Variants in KIF14 observed in about 807,000 individuals in gnomAD.
The protein encoded by KIF14 is kinesin-like protein KIF14.
Under a neutral mutation model 176.2 loss-of-function variants are expected in KIF14, and 98 were observed. The ratio of observed to expected loss-of-function variants is 0.56; its 90% confidence interval spans 0.47 to 0.66. KIF14 has a LOEUF of 0.66. Ranked by LOEUF, KIF14 falls within the 30% of genes least tolerant of loss-of-function variation. The pLI, the probability that KIF14 is intolerant of heterozygous loss-of-function variation, is 0.00. For missense variants in KIF14, 1,751 were observed against 1,920.4 expected (o/e 0.91, Z 1.65); for synonymous variants, 566 against 632.2 (o/e 0.90, Z 1.57).
chr1:200,615,191 C>T (rs1660351912), intron 3 of KIF14, among the ~76,000 whole-genome samples, 164 bp downstream of exon 3: 1 of 152,106 alleles, frequency 6.6e-6, no homozygotes, highest in Non-Finnish European at 1.5e-5. Context: ...AGCCCAGAGG[C>T]TAAGTAAATT....
At chr1:200,613,617 G>A (rs1435670938) in intron 4 of KIF14, among the ~76,000 whole-genome samples, 2 of 149,262 alleles carry the variant, frequency 1.3e-5, no homozygotes, top group Non-Finnish European at 3.0e-5. Context: ...GGAAAAGCAT[G>A]AAAATTATAA....
chr1:200,592,094 C>T lies in KIF14; in HGVS notation c.2799G>A (p.Met933Ile). ...AGCATACTTACTGTGATCTCTGTGC[C>T]ATGAGCAACTCATTTTTTGCAAATT... Reference protein sequence around the residue: ...DFEFAKNELLMAQRSQLEAEI... With the variant: ...DFEFAKNELLIAQRSQLEAEI... The change falls in exon 16 of 30, where the codon ATG becomes ATA. Residue 933 changes from methionine to isoleucine, a missense_variant. Met to Ile is a conservative substitution (Grantham distance 10). Coordinates refer to ENST00000367350, the MANE Select transcript of KIF14 (RefSeq NM_014875.3). The T allele has an allele frequency of 6.2e-7, 1 of 1,612,912 alleles. No homozygotes were observed.
intron 18 of KIF14, among the ~76,000 whole-genome samples, chr1:200,588,254 T>G (rs1173501888): frequency 6.6e-6 from 1 of 151,554 alleles, no homozygotes; most frequent in Admixed American, 6.6e-5. Flanking sequence ...TTTTGTTTTT[T>G]TTTTTTTGAC....
chr1:200,570,046 C>A, intron 22 of KIF14, 41 bp from the exon 23 acceptor site: 1 of 911,462 alleles, frequency 1.1e-6, no homozygotes, highest in Non-Finnish European at 1.7e-6. Flanking sequence ...TTCTATACCA[C>A]ATGGAATAAT....
At chr1:200,556,115 C>T (rs1210357107) in intron 27 of KIF14, among the ~76,000 whole-genome samples, 4 of 152,130 alleles carry the variant, frequency 2.6e-5, no homozygotes, top group Non-Finnish European at 4.4e-5. Context: ...ACCTTGGTTC[C>T]TAACTCCTAA....
At chr1:200,598,007 A>C (rs970846387) in intron 14 of KIF14, among the ~76,000 whole-genome samples, 2 of 152,144 alleles carry the variant, frequency 1.3e-5, no homozygotes, top group Non-Finnish European at 2.9e-5. Flanking sequence ...TCAACAGATC[A>C]AGTATGCCAA....
Position 200,603,879 on chromosome 1 carries a change from T to C in KIF14, c.1823A>G (p.Glu608Gly). The C allele has an allele frequency of 6.2e-7, 1 of 1,613,394 alleles. No homozygotes were observed. Among genetic ancestry groups the C allele is most frequent in the Non-Finnish European group, 8.5e-7 (1 of 1,179,320 alleles). The part of the protein sequence containing the change: ...RINLIDLAGS[E>G]RCSTAHTNGD... ...ATTAGTGTGAGCCGTAGAGCAGCGC[T>C]CACTGCCTGCCAGATCTATTAGGTT... is the stretch of plus-strand genomic sequence containing the variant. The change falls in exon 9 of 30, where the codon GAG becomes GGG. Residue 608 changes from glutamate to glycine, a missense_variant. Glu to Gly is a moderately conservative substitution (Grantham distance 98, BLOSUM62 -2). Transcript: ENST00000367350.
At chr1:200,581,366 T>C in intron 19 of KIF14, 72 bp from the exon 20 acceptor site, 1 of 711,318 alleles carries the variant, frequency 1.4e-6, no homozygotes, top group Non-Finnish European at 2.3e-6. Flanking sequence ...GGCAAAACAA[T>C]TCCTAAAAAA....
chr1:200,580,206 A>C, intron 21 of KIF14, 48 bp downstream of exon 21: 1 of 1,020,000 alleles, frequency 9.8e-7, no homozygotes, highest in Non-Finnish European at 1.3e-6. Context: ...GAACTTTTAT[A>C]CTTTTTTATT....
intron 4 of KIF14, among the ~76,000 whole-genome samples, chr1:200,613,790 G>C (rs1207352293): frequency 6.6e-6 from 1 of 152,066 alleles, no homozygotes. Context: ...GATCTAACAA[G>C]CTGCCTGGCA....
At chr1:200,554,627 T>C in intron 28 of KIF14, 21 bp from the exon 29 acceptor site, 1 of 1,247,950 alleles carries the variant, frequency 8.0e-7, no homozygotes, top group Non-Finnish European at 1.1e-6. Context: ...AAAGTTAATA[T>C]TTAAAATAAT....
intron 19 of KIF14, among the ~76,000 whole-genome samples, chr1:200,583,868 G>A (rs1342806345): frequency 6.6e-6 from 1 of 151,820 alleles, no homozygotes; most frequent in Non-Finnish European, 1.5e-5. Flanking sequence ...CTTGAGCCTG[G>A]GAGGCAGAGG....
rs556227447 is a variant in KIF14, at chr1:200,551,934, C to T, written c.*1454G>A. The T allele has an allele frequency of 1.3e-5, 2 of 152,314 alleles. No homozygotes were observed. Among genetic ancestry groups the T allele is most frequent in the Non-Finnish European group, 2.9e-5 (2 of 68,024 alleles). 9.4% of individuals were successfully genotyped at this position (152,314 alleles called of 1,614,324 possible). A position where few individuals can be genotyped will look rare whatever the true frequency, so the allele number is the denominator to read the frequency against. On this transcript the variant is annotated 3_prime_UTR_variant, in exon 30 of 30. Transcript: ENST00000367350. ...AAAAGAAATGAAAGCAAATGTGCTA[C>T]ATTGTACCATTTTAAAGAGCTTGAA...
At chr1:200,602,659 C>T (rs1659682147) in intron 10 of KIF14, among the ~76,000 whole-genome samples, 1 of 152,092 alleles carries the variant, frequency 6.6e-6, no homozygotes. Context: ...AGATGCAGTC[C>T]TTATTGTAAC....
At chr1:200,558,227 T>TC (rs1656943813) in intron 27 of KIF14, among the ~76,000 whole-genome samples, 1 of 152,206 alleles carries the variant, frequency 6.6e-6, no homozygotes, top group South Asian at 2.1e-4. Flanking sequence ...AGTGCTGGGA[T>TC]TACAGGCATG....
chr1:200,564,507 C>A (rs1332843681), intron 25 of KIF14, among the ~76,000 whole-genome samples: 1 of 152,106 alleles, frequency 6.6e-6, no homozygotes, highest in Non-Finnish European at 1.5e-5. Flanking sequence ...CTTCTTACAG[C>A]CAAACCTAAT....
At chr1:200,604,937 A>G (rs1659799180) in intron 8 of KIF14, among the ~76,000 whole-genome samples, 1 of 152,108 alleles carries the variant, frequency 6.6e-6, no homozygotes, top group Non-Finnish European at 1.5e-5. Context: ...TGTTATCATG[A>G]TAACAAGCAT....
At chr1:200,576,775 T>A (rs1284604924) in intron 21 of KIF14, among the ~76,000 whole-genome samples, 1 of 152,202 alleles carries the variant, frequency 6.6e-6, no homozygotes, top group Non-Finnish European at 1.5e-5. Flanking sequence ...TACTTCACGT[T>A]TATGACATAA....
chr1:200,605,714 AT>A, intron 7 of KIF14, 149 bp downstream of exon 7: 1 of 551,014 alleles, frequency 1.8e-6, no homozygotes. Flanking sequence ...AAGAGCAATT[AT>A]TTTGATTAAA....
Sources: gnomAD v4.1 joint callset for allele counts (sites outside exome capture counted in the v4.1 genomes callset) on GRCh38, gnomAD v4.1.1 for gene constraint, MANE v1.5 for transcripts, NCBI Gene and HGNC (gene_info 2026-07-23, HGNC 2026-07-21) for gene names.